VAV3: variants seen among roughly 807,000 people sequenced by gnomAD.
VAV3 encodes guanine nucleotide exchange factor VAV3.
Under a neutral mutation model 131.2 loss-of-function variants are expected in VAV3, and 94 were observed. That is an observed-to-expected ratio of 0.72 (90% CI 0.61 to 0.85). VAV3 has a LOEUF of 0.85. Ranked by LOEUF, VAV3 falls within the 40% of genes least tolerant of loss-of-function variation. The pLI is 0.00. For synonymous variants in VAV3, 349 were observed against 342.0 expected (o/e 1.02, Z -0.22); for missense variants, 939 against 1,002.7 (o/e 0.94, Z 0.86).
At chr1:107,894,718 G>GTGAC (rs759177322) in intron 1 of VAV3, among the ~76,000 whole-genome samples, 1 of 152,282 alleles carries the variant, frequency 6.6e-6, no homozygotes, top group Admixed American at 6.5e-5. Context: ...CTGTAGAACA[G>GTGAC]TGACTGAAAG....
rs780222053 is a variant in VAV3 at position 107,688,419 on chromosome 1, T to C, written c.1706-13A>G. 8 of 1,613,492 alleles carry C rather than the reference T, an allele frequency of 5.0e-6. No individual in the cohort carries two copies. The South Asian group carries it at 7.7e-5, about 16-fold the overall frequency. ...AGTGTCCCTTGTTCTGAAAGAAATG[T>C]AAAAATTGGCATTGTCAGTGTAAAG... is the stretch of plus-strand genomic sequence containing the variant. On this transcript the variant is annotated splice_polypyrimidine_tract_variant and intron_variant, in intron 17 of 26. Transcript: ENST00000370056.
At chr1:107,856,417 C>T (rs1669471123) in intron 2 of VAV3, among the ~76,000 whole-genome samples, 2 of 151,936 alleles carry the variant, frequency 1.3e-5, no homozygotes, top group African/African-American at 4.8e-5. Context: ...AAAGTCAAAC[C>T]AGAATATAAC....
At chr1:107,767,816 G>C (rs187704160) in intron 7 of VAV3, among the ~76,000 whole-genome samples, 23 of 152,312 alleles carry the variant, frequency 1.5e-4, no homozygotes, top group African/African-American at 4.3e-4. Context: ...CTTGCTTCTA[G>C]ATTTCTGGGC....
At chr1:107,605,262 G>C (rs1314214818) in intron 22 of VAV3, among the ~76,000 whole-genome samples, 1 of 152,186 alleles carries the variant, frequency 6.6e-6, no homozygotes, top group Non-Finnish European at 1.5e-5. Context: ...TTGAAAGGTA[G>C]AATCCTTAAA....
At chr1:107,802,851 G>A (rs34043686) in intron 2 of VAV3, among the ~76,000 whole-genome samples, 22,295 of 150,958 alleles carry the variant, frequency 0.15, 1,772 homozygotes, top group African/African-American at 0.18. Flanking sequence ...TTAGCTTTGT[G>A]GAATAAGTTT....
intron 19 of VAV3, among the ~76,000 whole-genome samples, 180 bp from the exon 20 acceptor site, chr1:107,642,935 T>C (rs1476438613): frequency 1.3e-5 from 2 of 152,168 alleles, no homozygotes; most frequent in African/African-American, 2.4e-5. Context: ...GAGATGGTAA[T>C]AGAATAAGAC....
intron 21 of VAV3, among the ~76,000 whole-genome samples, chr1:107,613,075 A>T (rs1172428632): frequency 1.3e-5 from 2 of 152,134 alleles, no homozygotes; most frequent in East Asian, 3.8e-4. Context: ...GCTATTCAAC[A>T]GTTACCAGAA....
At chr1:107,788,625 A>G (rs1666137525) in intron 2 of VAV3, among the ~76,000 whole-genome samples, 1 of 152,242 alleles carries the variant, frequency 6.6e-6, no homozygotes, top group Non-Finnish European at 1.5e-5. Context: ...CCCCCGGTCC[A>G]AATAGCAAAG....
chr1:107,809,022 A>G (rs1318901038), intron 2 of VAV3, among the ~76,000 whole-genome samples: 4 of 152,172 alleles, frequency 2.6e-5, no homozygotes, highest in African/African-American at 2.4e-5. Context: ...TAAACTATTC[A>G]CAAGGCTGAG....
chr1:107,782,670 A>C lies in VAV3; in HGVS notation c.322-3178T>G, dbSNP rs541021261. On this transcript the variant is annotated intron_variant, in intron 2 of 26. Transcript: ENST00000370056. ...ACACTGAGTCCATCCGTTAACTCTAAGTTTAGCCAAAGCAAATAAAGACTG... is the reference window on the plus strand; with the variant it reads ...ACACTGAGTCCATCCGTTAACTCTACGTTTAGCCAAAGCAAATAAAGACTG... Among the ~76,000 whole-genome samples the C allele has an allele frequency of 5.9e-5, 9 of 152,350 alleles. No individual in the cohort carries two copies. In the South Asian group the frequency reaches 1.9e-3, roughly 32 times the overall value.
At position 107,634,778 on chromosome 1, in the gene VAV3, A is replaced by T. The variant is rs1410288682; in HGVS notation, c.1914+7841T>A. 3.3e-5 allele frequency among the ~76,000 whole-genome samples: 5 copies of T among 151,860 alleles called. No homozygotes were observed. In the East Asian group the frequency reaches 9.6e-4, roughly 29 times the overall value. Reference sequence around the variant, plus strand: ...AATGAACTCAAACAAATTTACAAGAAAAAAACAAACAACCCCATGAAAAAG... The same window carrying T: ...AATGAACTCAAACAAATTTACAAGATAAAAACAAACAACCCCATGAAAAAG... On this transcript the variant is annotated intron_variant, in intron 20 of 26. Transcript: ENST00000370056.
At chr1:107,949,402 G>A (rs1389856918) in intron 1 of VAV3, among the ~76,000 whole-genome samples, 1 of 152,076 alleles carries the variant, frequency 6.6e-6, no homozygotes, top group Non-Finnish European at 1.5e-5. Context: ...ACTTGACCCT[G>A]CGGGCTCAAG....
At chr1:107,762,909 T>C (rs1302875604) in intron 9 of VAV3, among the ~76,000 whole-genome samples, 5 of 152,116 alleles carry the variant, frequency 3.3e-5, no homozygotes. Flanking sequence ...TCAATTGTAA[T>C]GGAAAATAAA....
chr1:107,676,858 G>A (rs372324510), intron 19 of VAV3, among the ~76,000 whole-genome samples: 1 of 152,012 alleles, frequency 6.6e-6, no homozygotes, highest in Admixed American at 6.6e-5. Flanking sequence ...TAACCTATAC[G>A]ACACACTTTG....
rs774466834 is a variant in VAV3, at chr1:107,874,854, A to G, written c.321+47T>C. 2.0e-6 allele frequency: 3 copies of G among 1,525,812 alleles called. No homozygotes were observed. In the East Asian group the frequency reaches 6.8e-5, roughly 34 times the overall value. The allele number at this position is 1,525,812 out of a possible 1,614,324, so 94.5% of individuals were successfully genotyped here. On this transcript the variant is annotated intron_variant, in intron 2 of 26. Coordinates refer to ENST00000370056, the MANE Select transcript of VAV3 (RefSeq NM_006113.5). ...CTTCAAGATTTGAAACAATTTGCTT[A>G]AATGCTTTCCAGTTAAAAAGTAGTG...
chr1:107,674,302 A>G (rs1197548677), intron 19 of VAV3, among the ~76,000 whole-genome samples: 1 of 152,214 alleles, frequency 6.6e-6, no homozygotes, highest in African/African-American at 2.4e-5. Context: ...TGTTTGTTTC[A>G]GAACCTCTAA....
intron 18 of VAV3, among the ~76,000 whole-genome samples, chr1:107,687,874 T>C (rs2101765094): frequency 6.6e-6 from 1 of 152,216 alleles, no homozygotes; most frequent in East Asian, 1.9e-4. Flanking sequence ...GGAGACTCTA[T>C]GTTAAACCAA....
At chr1:107,814,488 G>A (rs913495599) in intron 2 of VAV3, among the ~76,000 whole-genome samples, 11 of 109,222 alleles carry the variant, frequency 1.0e-4, no homozygotes, top group African/African-American at 3.0e-4. Context: ...ACTTTTTAAT[G>A]AGATTACTTA....
chr1:107,903,838 C>T (rs1476526281), intron 1 of VAV3, among the ~76,000 whole-genome samples: 2 of 152,134 alleles, frequency 1.3e-5, no homozygotes, highest in African/African-American at 4.8e-5. Flanking sequence ...CCTCACCTCC[C>T]ACACTTATGG....
Sources: allele counts gnomAD v4.1 joint callset (sites outside exome capture counted in the v4.1 genomes callset), GRCh38; gene constraint gnomAD v4.1.1; transcripts MANE v1.5; gene names NCBI Gene and HGNC (gene_info 2026-07-23, HGNC 2026-07-21).